Variants in PCCA observed in about 807,000 individuals in gnomAD.
PCCA encodes the protein propionyl-CoA carboxylase alpha chain, mitochondrial.
PCCA carries 74 observed loss-of-function variants against 101.3 expected under a neutral mutation model. That is an observed-to-expected ratio of 0.73 (90% CI 0.61 to 0.89). The LOEUF is 0.89. Ranked by LOEUF, PCCA falls within the 40% of genes least tolerant of loss-of-function variation. The pLI, the probability that PCCA is intolerant of heterozygous loss-of-function variation, is 0.00. For synonymous variants in PCCA, 294 were observed against 313.6 expected (o/e 0.94, Z 0.66); for missense variants, 891 against 907.0 (o/e 0.98, Z 0.23).
chr13:100,471,453 G>C (rs961004101), intron 21 of PCCA, among the ~76,000 whole-genome samples: 1 of 152,170 alleles, frequency 6.6e-6, no homozygotes, highest in African/African-American at 2.4e-5. Flanking sequence ...TGGAAAAAAT[G>C]GTGGCAATAG....
At position 100,515,364 on chromosome 13, in the gene PCCA, T is replaced by C. The variant is rs938569162; in HGVS notation, c.1900-63T>C. 2.4e-5 allele frequency: 35 copies of C among 1,465,666 alleles called. No individual in the cohort carries two copies. The African/African-American group carries it at 4.6e-4, about 19-fold the overall frequency. 90.8% of individuals were successfully genotyped at this position (1,465,666 alleles called of 1,614,324 possible). On this transcript the variant is annotated intron_variant, in intron 21 of 23. Transcript: ENST00000376285. ...AAGCTAAAAATTGATTTAGAATGAA[T>C]GCTACTTTTGAGGAAAATTTCATTT...
At chr13:100,518,394 C>T (rs949264242) in intron 22 of PCCA, among the ~76,000 whole-genome samples, 2 of 152,124 alleles carry the variant, frequency 1.3e-5, no homozygotes, top group Admixed American at 1.3e-4. Context: ...TGAATCCGCT[C>T]GGGGCGCTTG....
intron 20 of PCCA, among the ~76,000 whole-genome samples, chr13:100,447,299 G>A (rs941469991): frequency 3.3e-5 from 5 of 151,944 alleles, no homozygotes; most frequent in Non-Finnish European, 5.9e-5. Context: ...CCGGAGAATC[G>A]CTTGAACCCA....
chr13:100,182,766 G>A (rs9554671), intron 6 of PCCA, among the ~76,000 whole-genome samples: 42,867 of 151,856 alleles, frequency 0.28, 7,168 homozygotes, highest in East Asian at 0.7. Context: ...CCTGAAAAGA[G>A]GAAAGCCTCT....
chr13:100,167,014 A>G (rs1190906560), intron 6 of PCCA, among the ~76,000 whole-genome samples: 6 of 151,926 alleles, frequency 3.9e-5, no homozygotes, highest in Non-Finnish European at 8.8e-5. Context: ...ATCTTTGTCG[A>G]TGTGTTTGTG....
At chr13:100,407,869 G>T (rs1227344420) in intron 19 of PCCA, among the ~76,000 whole-genome samples, 2 of 152,110 alleles carry the variant, frequency 1.3e-5, no homozygotes, top group Non-Finnish European at 2.9e-5. Flanking sequence ...TAAAACTTGG[G>T]GCTGGGCATG....
intron 8 of PCCA, among the ~76,000 whole-genome samples, chr13:100,250,353 A>G (rs2061677227): frequency 6.6e-6 from 1 of 152,098 alleles, no homozygotes; most frequent in Non-Finnish European, 1.5e-5. Context: ...AATGTGATGG[A>G]TTACATTAAT....
At chr13:100,201,735 TA>T (rs1211899830) in intron 6 of PCCA, among the ~76,000 whole-genome samples, 2 of 151,588 alleles carry the variant, frequency 1.3e-5, no homozygotes, top group Non-Finnish European at 2.9e-5. Flanking sequence ...TGCATGCCTG[TA>T]ATCCCAGCTA....
At chr13:100,449,143 G>A in intron 20 of PCCA, 109 bp from the exon 21 acceptor site, 1 of 636,044 alleles carries the variant, frequency 1.6e-6, no homozygotes, top group South Asian at 2.1e-5. Flanking sequence ...ACTATATTTT[G>A]TTTACCCATC....
At chr13:100,344,692 T>G (rs778020031) in intron 18 of PCCA, among the ~76,000 whole-genome samples, 1 of 152,206 alleles carries the variant, frequency 6.6e-6, no homozygotes, top group Non-Finnish European at 1.5e-5. Flanking sequence ...TAGAAACCTC[T>G]TAGAGACTGT....
At chr13:100,371,182 C>T (rs2075550577) in intron 19 of PCCA, among the ~76,000 whole-genome samples, 1 of 152,126 alleles carries the variant, frequency 6.6e-6, no homozygotes, top group Non-Finnish European at 1.5e-5. Flanking sequence ...TGTGTCCTTT[C>T]TGTATGTGTT....
chr13:100,461,833 T>C (rs1282160669), intron 21 of PCCA, among the ~76,000 whole-genome samples: 1 of 152,220 alleles, frequency 6.6e-6, no homozygotes, highest in Non-Finnish European at 1.5e-5. Context: ...CCAAGCTGCA[T>C]TGGTCCCCAC....
At chr13:100,324,797 A>G (rs372063175) in intron 16 of PCCA, among the ~76,000 whole-genome samples, 2 of 152,278 alleles carry the variant, frequency 1.3e-5, no homozygotes, top group South Asian at 2.1e-4. Flanking sequence ...TTAAAACACC[A>G]TGTGATGCTG....
intron 15 of PCCA, 117 bp downstream of exon 15, chr13:100,307,377 A>G: frequency 1.3e-6 from 1 of 742,522 alleles, no homozygotes. Context: ...CTAATTATGC[A>G]CTGATGTAAA....
chr13:100,290,411 C>T (rs74878447), intron 12 of PCCA, among the ~76,000 whole-genome samples: 1 of 152,092 alleles, frequency 6.6e-6, no homozygotes, highest in Non-Finnish European at 1.5e-5. Context: ...CGAGATCTCA[C>T]TTTGTTGCCC....
At chr13:100,297,800 A>AT (rs966974093) in intron 12 of PCCA, among the ~76,000 whole-genome samples, 1 of 152,142 alleles carries the variant, frequency 6.6e-6, no homozygotes, top group Admixed American at 6.5e-5. Flanking sequence ...GCATTTGATA[A>AT]TTTTTTGTAC....
intron 5 of PCCA, among the ~76,000 whole-genome samples, chr13:100,156,388 C>T (rs1270479395): frequency 2.0e-5 from 3 of 152,114 alleles, no homozygotes; most frequent in African/African-American, 4.8e-5. Context: ...ATTTAAAAGT[C>T]GCTGATACGT....
intron 20 of PCCA, among the ~76,000 whole-genome samples, chr13:100,431,806 C>A (rs1410918167): frequency 6.6e-6 from 1 of 151,996 alleles, no homozygotes; most frequent in Non-Finnish European, 1.5e-5. Context: ...GCAGAACTTG[C>A]AGTGAGCTGA....
intron 6 of PCCA, among the ~76,000 whole-genome samples, chr13:100,193,316 G>C (rs553310929): frequency 2.6e-5 from 4 of 152,170 alleles, no homozygotes; most frequent in Admixed American, 6.5e-5. Context: ...TTTATTTCCT[G>C]CTGTTTCTTA....
Sources: allele counts gnomAD v4.1 joint callset (sites outside exome capture counted in the v4.1 genomes callset), GRCh38; gene constraint gnomAD v4.1.1; transcripts MANE v1.5; gene names NCBI Gene and HGNC (gene_info 2026-07-23, HGNC 2026-07-21).